The following C5orf63 variants were observed in gnomAD, a reference collection of about 807,000 sequenced individuals.
C5orf63 encodes the protein chromosome 5 open reading frame 63.
Under a neutral mutation model 13.3 loss-of-function variants are expected in C5orf63, and 18 were observed. The ratio of observed to expected loss-of-function variants is 1.36; its 90% CI spans 0.94 to 2.01. C5orf63 has a LOEUF of 2.01. C5orf63 is among the 30% of genes most tolerant of loss of function. The probability of loss-of-function intolerance (pLI) is 0.00; values close to 1 mark genes in which losing one functional copy is unlikely to be tolerated. For synonymous variants in C5orf63, 38 were observed against 44.7 expected (o/e 0.85, Z 0.60); for missense variants, 118 against 127.7 (o/e 0.92, Z 0.36).
chr5:127,071,331 G>T (rs554252383), intron 2 of C5orf63, among the ~76,000 whole-genome samples: 1 of 152,244 alleles, frequency 6.6e-6, no homozygotes, highest in South Asian at 2.1e-4. Context: ...CTTTCAGTTT[G>T]CCTCCATATC....
At chr5:127,047,016 T>C (rs906646671), downstream of C5orf63, 2 of 152,204 alleles carry the variant, frequency 1.3e-5, no homozygotes, top group African/African-American at 4.8e-5. Context: ...GTCCATGAGA[T>C]TGCTGCATTA....
intron 2 of C5orf63, among the ~76,000 whole-genome samples, chr5:127,066,114 A>G (rs1181335789): frequency 1.3e-5 from 2 of 152,188 alleles, no homozygotes; most frequent in Non-Finnish European, 2.9e-5. Context: ...GTGAGGACAA[A>G]TGATTTATTG....
At chr5:127,045,317 C>T (rs1162946695) in exon 5 of C5orf63, 2 of 152,208 alleles carry the variant, frequency 1.3e-5, no homozygotes, top group East Asian at 1.9e-4. Context: ...CTTGCTCCTT[C>T]GGGAGGCTAT....
At chr5:127,070,030 T>C (rs1754477773) in intron 2 of C5orf63, among the ~76,000 whole-genome samples, 1 of 152,128 alleles carries the variant, frequency 6.6e-6, no homozygotes, top group Non-Finnish European at 1.5e-5. Context: ...GCAAAACACT[T>C]TTCATATTAA....
intron 3 of C5orf63, among the ~76,000 whole-genome samples, chr5:127,053,703 G>T (rs773642474): frequency 6.6e-6 from 1 of 152,122 alleles, no homozygotes; most frequent in Non-Finnish European, 1.5e-5. Flanking sequence ...CTGTCCATGC[G>T]ACAGTTTGCT....
chr5:127,073,421 C>G (rs1408211930), intron 1 of C5orf63, 30 bp downstream of exon 1: 1 of 152,322 alleles, frequency 6.6e-6, no homozygotes, highest in Non-Finnish European at 1.5e-5. Context: ...CGCGAGCGCT[C>G]ACCCTCGGCG....
At position 127,051,950 on chromosome 5, in the gene C5orf63, G is replaced by A. The variant is rs1279127442; in HGVS notation, c.172-3C>T. 4 of 1,496,594 alleles carry A rather than the reference G, an allele frequency of 2.7e-6. No homozygotes were observed. The highest frequency in any genetic ancestry group is 3.5e-6 in the Non-Finnish European group (4 of 1,127,374). 92.7% of individuals were successfully genotyped at this position (1,496,594 alleles called of 1,614,324 possible). ...ATGTTCACCTCCTGTAAAATGAACT[G>A]AAACAGAGACAGACTAAAGCTCTGT... On this transcript the variant is annotated splice_region_variant and splice_polypyrimidine_tract_variant and intron_variant, in intron 4 of 4. Transcript: ENST00000296662.
At chr5:127,069,350 T>C (rs1233577496) in intron 2 of C5orf63, among the ~76,000 whole-genome samples, 1 of 152,204 alleles carries the variant, frequency 6.6e-6, no homozygotes, top group African/African-American at 2.4e-5. Flanking sequence ...GGCAATTTCA[T>C]TAAACATCTT....
chr5:127,055,831 G>C (rs866517462), intron 3 of C5orf63, among the ~76,000 whole-genome samples: 6 of 152,002 alleles, frequency 3.9e-5, no homozygotes, highest in African/African-American at 1.4e-4. Flanking sequence ...TGGGTTTTCT[G>C]TTTTGTTTTG....
At chr5:127,068,862 C>T (rs4141169) in intron 2 of C5orf63, among the ~76,000 whole-genome samples, 6,561 of 152,156 alleles carry the variant, frequency 0.043, 266 homozygotes, top group South Asian at 0.14. Context: ...CAGTAATGTA[C>T]GCTCACCATA....
chr5:127,066,953 T>C (rs1489492314), intron 2 of C5orf63, among the ~76,000 whole-genome samples: 1 of 152,184 alleles, frequency 6.6e-6, no homozygotes, highest in Admixed American at 6.5e-5. Flanking sequence ...GAATTGTCCA[T>C]TGTCAAGGAG....
chr5:127,062,705 A>C (rs1754153973), intron 2 of C5orf63, among the ~76,000 whole-genome samples: 2 of 152,220 alleles, frequency 1.3e-5, no homozygotes, highest in African/African-American at 4.8e-5. Flanking sequence ...TTCTTGAAGT[A>C]AAATTTTAAT....
intron 2 of C5orf63, among the ~76,000 whole-genome samples, chr5:127,069,762 T>C (rs1186350803): frequency 6.6e-6 from 1 of 152,238 alleles, no homozygotes; most frequent in Non-Finnish European, 1.5e-5. Flanking sequence ...TACAATCTTT[T>C]GAGTCCTATT....
At chr5:127,047,314 T>C (rs1404981829), downstream of C5orf63, 2 of 165,044 alleles carry the variant, frequency 1.2e-5, no homozygotes, top group East Asian at 3.4e-4. Context: ...CAAACATAAT[T>C]TCAGAAAGGA....
intron 3 of C5orf63, chr5:127,058,635 A>G: frequency 2.4e-6 from 1 of 413,636 alleles, no homozygotes; most frequent in Non-Finnish European, 4.3e-6. Context: ...ACACCATATT[A>G]TAACCTATAC....
intron 2 of C5orf63, among the ~76,000 whole-genome samples, chr5:127,064,070 T>C (rs543866947): frequency 1.3e-4 from 20 of 152,142 alleles, no homozygotes; most frequent in South Asian, 2.1e-4. Context: ...TGGTCAGTCA[T>C]TGGTGTCCAA....
intron 1 of C5orf63, 23 bp downstream of exon 1, chr5:127,073,428 G>C (rs1383656670): frequency 2.6e-5 from 4 of 152,254 alleles, no homozygotes; most frequent in Non-Finnish European, 5.9e-5. Context: ...GCTCACCCTC[G>C]GCGCGGGACT....
At chr5:127,054,772 T>G (rs1273287411) in intron 3 of C5orf63, among the ~76,000 whole-genome samples, 1 of 152,226 alleles carries the variant, frequency 6.6e-6, no homozygotes, top group Non-Finnish European at 1.5e-5. Context: ...TGGCTTTTGT[T>G]GCCATTGCTT....
chr5:127,053,578 C>T (rs1466294742), intron 3 of C5orf63, among the ~76,000 whole-genome samples: 1 of 152,134 alleles, frequency 6.6e-6, no homozygotes, highest in African/African-American at 2.4e-5. Flanking sequence ...TGCTATCCCT[C>T]CCTGCTCCCC....
Sources: allele counts gnomAD v4.1 joint callset (sites outside exome capture counted in the v4.1 genomes callset), GRCh38; gene constraint gnomAD v4.1.1; transcripts MANE v1.5; gene names NCBI Gene and HGNC (gene_info 2026-07-23, HGNC 2026-07-21).